Variants in ALG5 observed in about 807,000 individuals in gnomAD.
ALG5 encodes ALG5 dolichyl-phosphate beta-glucosyltransferase, also known as dolichyl-phosphate beta-glucosyltransferase.
Under a neutral mutation model 51.8 loss-of-function variants are expected in ALG5, and 26 were observed. That is an observed-to-expected ratio of 0.50 (90% confidence interval 0.37 to 0.70). The LOEUF (loss-of-function observed/expected upper bound fraction) is 0.70, where lower values mean the gene tolerates loss of function less well. Ranked by LOEUF, ALG5 falls within the 30% of genes least tolerant of loss-of-function variation. The pLI is 0.00. For synonymous variants in ALG5, 141 were observed against 136.1 expected (o/e 1.04, Z -0.25); for missense variants, 311 against 399.3 (o/e 0.78, Z 1.88).
At chr13:36,975,431 G>A (rs1267194071) in intron 6 of ALG5, among the ~76,000 whole-genome samples, 1 of 152,202 alleles carries the variant, frequency 6.6e-6, no homozygotes, top group Admixed American at 6.5e-5. Flanking sequence ...CTGGTAGTTA[G>A]ATTCAGAGGC....
intron 8 of ALG5, among the ~76,000 whole-genome samples, chr13:36,955,155 C>T (rs2058834121): frequency 6.6e-6 from 1 of 152,186 alleles, no homozygotes; most frequent in South Asian, 2.1e-4. Context: ...AGGCTCACAG[C>T]TCCTAGGCAG....
chr13:36,997,397 C>A (rs1025709951), intron 1 of ALG5, among the ~76,000 whole-genome samples: 1 of 133,968 alleles, frequency 7.5e-6, no homozygotes, highest in Non-Finnish European at 1.5e-5. Flanking sequence ...TGCTTGAGGG[C>A]AGAGGTTGCA....
chr13:36,996,509 T>G lies in ALG5; in HGVS notation c.67-913A>C, dbSNP rs139621512. Among the ~76,000 whole-genome samples, 372 of 152,244 alleles carry G rather than the reference T, an allele frequency of 2.4e-3. 2 individuals are homozygous for G. The highest frequency in any genetic ancestry group is 8.6e-3 in the African/African-American group (356 of 41,530). On this transcript the variant is annotated intron_variant, in intron 1 of 9. Transcript: ENST00000239891. ...GGGCTGTGCTGAAAGGACAAAGTAGTCAACCTGAATGGGCTCTCAGTGGCC... is the reference window on the plus strand; with the variant it reads ...GGGCTGTGCTGAAAGGACAAAGTAGGCAACCTGAATGGGCTCTCAGTGGCC...
chr13:36,966,017 T>C (rs2058891659), intron 7 of ALG5, among the ~76,000 whole-genome samples: 1 of 152,192 alleles, frequency 6.6e-6, no homozygotes, highest in African/African-American at 2.4e-5. Flanking sequence ...TTGGGGCTGC[T>C]GCTGTGAGCA....
chr13:36,972,718 C>A (rs1052574463), intron 6 of ALG5, among the ~76,000 whole-genome samples: 4 of 152,190 alleles, frequency 2.6e-5, no homozygotes, highest in South Asian at 4.1e-4. Context: ...TCTGGCCGGG[C>A]GTGGTGGCTC....
chr13:36,988,627 A>T (rs1331339069), intron 5 of ALG5, among the ~76,000 whole-genome samples: 1 of 152,154 alleles, frequency 6.6e-6, no homozygotes, highest in Non-Finnish European at 1.5e-5. Context: ...CACTTTCCTC[A>T]ACTATATAAT....
At chr13:36,957,447 T>C (rs867993696) in intron 8 of ALG5, among the ~76,000 whole-genome samples, 1 of 151,850 alleles carries the variant, frequency 6.6e-6, no homozygotes, top group Non-Finnish European at 1.5e-5. Flanking sequence ...GCTTACAGAG[T>C]GACAATGGCC....
Position 36,965,735 on chromosome 13 carries a change from A to G in ALG5, c.622-9T>C, listed in dbSNP as rs369715273. 1 of 1,606,388 alleles carries G rather than the reference A, an allele frequency of 6.2e-7. No homozygotes were observed. Among genetic ancestry groups the G allele is most frequent in the Middle Eastern group, 1.7e-4 (1 of 5,902 alleles). On this transcript the variant is annotated splice_polypyrimidine_tract_variant and intron_variant, in intron 7 of 9. Coordinates refer to ENST00000239891, the MANE Select transcript of ALG5 (RefSeq NM_013338.5). Reference sequence around the variant, plus strand: ...GTACGGAAGTAAGAACGCTGAAAACAAAGACAAAATATAAATGACTTTTCC... The same window carrying G: ...GTACGGAAGTAAGAACGCTGAAAACGAAGACAAAATATAAATGACTTTTCC...
rs74972652 is a variant in ALG5 at position 36,987,508 on chromosome 13, C to T, written c.448-1768G>A. Among the ~76,000 whole-genome samples, 609 of 152,216 alleles carry T rather than the reference C, an allele frequency of 4.0e-3. 5 individuals carry two copies. The highest frequency in any genetic ancestry group is 0.014 in the African/African-American group (587 of 41,526). On this transcript the variant is annotated intron_variant, in intron 5 of 9. Transcript: ENST00000239891. ...GTTGTCTAAAAGTGTGTGGCACCAC[C>T]GTGCCCGCTAACTTGCTCCTGTTCT...
intron 9 of ALG5, among the ~76,000 whole-genome samples, chr13:36,950,876 G>A (rs1284398264): frequency 6.6e-6 from 1 of 151,904 alleles, no homozygotes; most frequent in Non-Finnish European, 1.5e-5. Flanking sequence ...ATGAGTGACT[G>A]CACCCAGCCA....
chr13:36,979,069 T>A (rs2138811204), intron 6 of ALG5, among the ~76,000 whole-genome samples: 2 of 152,230 alleles, frequency 1.3e-5, no homozygotes, highest in Admixed American at 1.3e-4. Flanking sequence ...CAGGCTGGAG[T>A]GCAGTGGCAC....
chr13:36,983,771 CAAAA>C (rs1244418026), intron 6 of ALG5, among the ~76,000 whole-genome samples: 1 of 151,158 alleles, frequency 6.6e-6, no homozygotes, highest in Non-Finnish European at 1.5e-5. Context: ...CTTAAAAAAA[CAAAA>C]AACACCTAGA....
In ALG5 at chr13:36,949,969, C is replaced by A. The variant is rs746675683; in HGVS notation, c.948G>T (p.Arg316Ser). The change falls in exon 10 of 10, where the codon AGG (arginine) becomes AGT (serine). Residue 316 changes from arginine (R) to serine (S), a missense_variant. Coordinates refer to ENST00000239891, the MANE Select transcript of ALG5 (RefSeq NM_013338.5). ...IRLRYLTGAW[R>S]LEQTRKMN ...AATTCATTTTCCGAGTTTGCTCAAG[C>A]CTCCAGGCACCAGTCAAATATCGAA... 2 of 1,612,088 alleles carry A rather than the reference C, an allele frequency of 1.2e-6. No homozygotes were observed. Among genetic ancestry groups the A allele is most frequent in the East Asian group, 4.5e-5 (2 of 44,800 alleles).
chr13:36,984,332 C>T (rs948675328), intron 6 of ALG5, among the ~76,000 whole-genome samples: 2 of 152,084 alleles, frequency 1.3e-5, no homozygotes, highest in Admixed American at 1.3e-4. Flanking sequence ...AACTCCTGGC[C>T]TCAAGTGATC....
intron 8 of ALG5, among the ~76,000 whole-genome samples, chr13:36,962,380 C>A (rs1165641634): frequency 1.3e-5 from 2 of 152,150 alleles, no homozygotes; most frequent in South Asian, 4.1e-4. Context: ...TAAGCTGATA[C>A]ATGTATACTT....
intron 2 of ALG5, among the ~76,000 whole-genome samples, 180 bp downstream of exon 2, chr13:36,995,245 C>A (rs1264890167): frequency 6.6e-6 from 1 of 152,202 alleles, no homozygotes; most frequent in Non-Finnish European, 1.5e-5. Context: ...CATGATGCTG[C>A]TCCTATTCAT....
At chr13:36,952,096 T>A (rs561556359) in intron 9 of ALG5, among the ~76,000 whole-genome samples, 17 of 152,294 alleles carry the variant, frequency 1.1e-4, no homozygotes, top group South Asian at 4.2e-4. Context: ...ATAAAAAAAA[T>A]TTTTATTTCT....
At chr13:36,951,513 G>A (rs2058817836) in intron 9 of ALG5, among the ~76,000 whole-genome samples, 2 of 152,218 alleles carry the variant, frequency 1.3e-5, no homozygotes, top group South Asian at 4.1e-4. Context: ...CTCACCAGAA[G>A]AGCTGGACTT....
intron 8 of ALG5, among the ~76,000 whole-genome samples, chr13:36,957,405 T>C (rs2058844935): frequency 6.6e-6 from 1 of 152,042 alleles, no homozygotes; most frequent in Non-Finnish European, 1.5e-5. Flanking sequence ...CACTAATTCA[T>C]GAAATAATTC....
Sources: allele counts gnomAD v4.1 joint callset (sites outside exome capture counted in the v4.1 genomes callset), GRCh38; gene constraint gnomAD v4.1.1; transcripts MANE v1.5; gene names NCBI Gene and HGNC (gene_info 2026-07-23, HGNC 2026-07-21).